The following DSC1 variants were observed in gnomAD, a reference collection of about 807,000 sequenced individuals.
The protein encoded by DSC1 is desmocollin-1.
DSC1 carries 79 observed loss-of-function variants against 98.8 expected under a neutral mutation model. The observed-to-expected ratio is 0.80, with a 90% CI of 0.67 to 0.96. The LOEUF is 0.96. Among genes scored for constraint, DSC1 ranks in the 50% least tolerant of loss-of-function variants. The pLI, the probability that DSC1 is intolerant of heterozygous loss-of-function variation, is 0.00. For synonymous variants in DSC1, 405 were observed against 372.1 expected (o/e 1.09, Z -1.02); for missense variants, 1,115 against 1,075.9 (o/e 1.04, Z -0.51).
chr18:31,157,454 T>C lies in DSC1; in HGVS notation c.268A>G (p.Lys90Glu), dbSNP rs1989120990. Residue 90 changes from lysine to glutamate, a missense_variant, in exon 3 of 16, where the codon AAA becomes GAA. Lys to Glu is a moderately conservative substitution (Grantham distance 56, BLOSUM62 1). Coordinates refer to ENST00000257198, the MANE Select transcript of DSC1 (RefSeq NM_024421.2). ...THDLILSSERKSFSIFLSDGQ... is the reference protein window; with the variant it reads ...THDLILSSERESFSIFLSDGQ... ...TCTGAAAGGAAAATGGAAAAACTTT[T>C]CCTTTCAGAAGACAAAATGAGGTCA... The C allele has an allele frequency of 6.2e-7, 1 of 1,614,214 alleles. No individual in the cohort carries two copies. Among genetic ancestry groups the C allele is most frequent in the Non-Finnish European group, 8.5e-7 (1 of 1,180,036 alleles).
At chr18:31,145,441 C>T (rs16961352) in intron 7 of DSC1, among the ~76,000 whole-genome samples, 170 bp downstream of exon 7, 1,528 of 152,284 alleles carry the variant, frequency 0.01, 29 homozygotes, top group African/African-American at 0.035. Flanking sequence ...ATATATGGTA[C>T]TTTCCCAACA....
intron 14 of DSC1, 161 bp from the exon 15 acceptor site, chr18:31,132,003 G>A (rs1004576372): frequency 1.2e-6 from 1 of 825,168 alleles, no homozygotes; most frequent in African/African-American, 1.7e-5. Flanking sequence ...GGGTTGAATT[G>A]AGTCCCCTAA....
chr18:31,132,301 C>T (rs1598612042), intron 14 of DSC1: 1 of 372,726 alleles, frequency 2.7e-6, no homozygotes, highest in African/African-American at 2.1e-5. Context: ...GAGCACGGAC[C>T]TGCCAACACC....
At chr18:31,149,984 C>G (rs77360088) in intron 5 of DSC1, among the ~76,000 whole-genome samples, 33,576 of 151,396 alleles carry the variant, frequency 0.22, 4,228 homozygotes, top group East Asian at 0.56. Flanking sequence ...ATACAGTAGT[C>G]TATCATTACC....
rs138689452 is a variant in DSC1 at position 31,148,505 on chromosome 18, G to A, written c.765C>T (p.Cys255=). The A allele has an allele frequency of 2.0e-5, 32 of 1,593,966 alleles. No homozygotes were observed. The African/African-American group carries it at 2.0e-4, about 10-fold the overall frequency. Residue 255 remains cysteine (C), a synonymous_variant, in exon 6 of 16, where the codon TGC becomes TGT. Coordinates refer to ENST00000257198, the MANE Select transcript of DSC1 (RefSeq NM_024421.2). ...RVTIFTVPEN[C]RSGTSVGKVT... is the part of the protein sequence containing the mutation. ...AATAAAATGTGAACTTACCGGATCG[G>A]CAATTTTCAGGCACAGTAAAGATAG...
At chr18:31,150,297 C>CCAT (rs1157579921) in intron 5 of DSC1, among the ~76,000 whole-genome samples, 2 of 46,352 alleles carry the variant, frequency 4.3e-5, no homozygotes, top group Admixed American at 1.9e-4. Flanking sequence ...ACCACCACTA[C>CCAT]CATCATCACC....
Position 31,143,642 on chromosome 18 carries a change from G to A in DSC1, c.1074+15C>T. 2 of 1,529,726 alleles carry A rather than the reference G, an allele frequency of 1.3e-6. No homozygotes were observed. Among genetic ancestry groups the A allele is most frequent in the Non-Finnish European group, 8.8e-7 (1 of 1,139,886 alleles). 94.8% of individuals were successfully genotyped at this position (1,529,726 alleles called of 1,614,324 possible). On this transcript the variant is annotated intron_variant, in intron 8 of 15. Transcript: ENST00000257198. Reference sequence around the variant, plus strand: ...GTAGATAAATCTAGATGAATGAATAGAGAGGTATACTCACAGAAGTTTCTG... The same window carrying A: ...GTAGATAAATCTAGATGAATGAATAAAGAGGTATACTCACAGAAGTTTCTG...
At position 31,134,906 on chromosome 18, in the gene DSC1, G is replaced by A. The variant is rs554380910; in HGVS notation, c.1664-122C>T. The A allele has an allele frequency of 1.0e-5, 9 of 877,404 alleles. No individual in the cohort carries two copies. The Admixed American group carries it at 1.3e-4, about 13-fold the overall frequency. 54.4% of individuals were successfully genotyped at this position (877,404 alleles called of 1,614,324 possible). ...TGTCTGAGCTTGAGTTCGCATACAT[G>A]CTTCCCAGATTTCAGACACCAAGAC... On this transcript the variant is annotated intron_variant, in intron 11 of 15. Transcript: ENST00000257198.
At chr18:31,156,975 G>T (rs776832704) in intron 3 of DSC1, among the ~76,000 whole-genome samples, 4 of 152,160 alleles carry the variant, frequency 2.6e-5, no homozygotes, top group Non-Finnish European at 5.9e-5. Flanking sequence ...TTTAAAGAGA[G>T]ACTCAAACCC....
intron 11 of DSC1, among the ~76,000 whole-genome samples, chr18:31,135,182 A>C (rs1379809265): frequency 2.6e-5 from 4 of 152,072 alleles, no homozygotes; most frequent in Admixed American, 2.6e-4. Flanking sequence ...CTTTTTTCCC[A>C]AACCTTGAAA....
chr18:31,148,729 T>TA, intron 5 of DSC1, 87 bp from the exon 6 acceptor site: 1 of 1,292,320 alleles, frequency 7.7e-7, no homozygotes, highest in Non-Finnish European at 1.0e-6. Flanking sequence ...AAATGTAACA[T>TA]TAAAAAAAAA....
intron 8 of DSC1, among the ~76,000 whole-genome samples, 199 bp from the exon 9 acceptor site, chr18:31,142,383 C>A (rs139975082): frequency 1.3e-5 from 2 of 152,136 alleles, no homozygotes; most frequent in African/African-American, 4.8e-5. Flanking sequence ...TTCCATTCTT[C>A]AAAGGCTACC....
intron 1 of DSC1, among the ~76,000 whole-genome samples, chr18:31,160,453 G>A (rs1344581550): frequency 6.6e-6 from 1 of 152,116 alleles, no homozygotes; most frequent in African/African-American, 2.4e-5. Context: ...TACTTGCGAG[G>A]AGGAAAGAGA....
intron 6 of DSC1, among the ~76,000 whole-genome samples, chr18:31,148,189 A>G (rs1988886800): frequency 6.6e-6 from 1 of 152,068 alleles, no homozygotes; most frequent in Non-Finnish European, 1.5e-5. Context: ...TTCAGCAACA[A>G]CCCCACCCTG....
At position 31,135,391 on chromosome 18, in the gene DSC1, T is replaced by C. The variant is rs568350428; in HGVS notation, c.1664-607A>G. Among the ~76,000 whole-genome samples the C allele has an allele frequency of 3.3e-5, 5 of 152,264 alleles. No homozygotes were observed. The South Asian group carries it at 1.0e-3, about 32-fold the overall frequency. On this transcript the variant is annotated intron_variant, in intron 11 of 15. Coordinates refer to ENST00000257198, the MANE Select transcript of DSC1 (RefSeq NM_024421.2). ...CCATATTCCAGTGCTTTCTCAGAAC[T>C]CTTTGCTAATACTTTGGCTCACACA...
chr18:31,150,324 T>G (rs60298537), intron 5 of DSC1, among the ~76,000 whole-genome samples: 1 of 35,440 alleles, frequency 2.8e-5, no homozygotes, highest in African/African-American at 1.5e-4. Context: ...ACTACCATCA[T>G]CACCACCACC....
At chr18:31,158,469 T>G (rs936734407) in intron 2 of DSC1, among the ~76,000 whole-genome samples, 1 of 152,194 alleles carries the variant, frequency 6.6e-6, no homozygotes, top group Non-Finnish European at 1.5e-5. Context: ...TGTTTATTAA[T>G]TTCAAACCTT....
intron 5 of DSC1, among the ~76,000 whole-genome samples, chr18:31,150,292 CACT>C (rs1598625479): frequency 1.4e-5 from 2 of 143,938 alleles, no homozygotes; most frequent in South Asian, 2.3e-4. Flanking sequence ...CCACCACCAC[CACT>C]ACCATCATCA....
At chr18:31,152,411 C>T (rs12606918) in intron 5 of DSC1, among the ~76,000 whole-genome samples, 35,797 of 151,916 alleles carry the variant, frequency 0.24, 4,739 homozygotes, top group East Asian at 0.56. Context: ...CCCAAAGCTA[C>T]GAAATCAAAT....
Sources: gnomAD v4.1 joint callset for allele counts (sites outside exome capture counted in the v4.1 genomes callset) on GRCh38, gnomAD v4.1.1 for gene constraint, MANE v1.5 for transcripts, NCBI Gene and HGNC (gene_info 2026-07-23, HGNC 2026-07-21) for gene names.